The following FAM13A variants were observed in gnomAD, a reference collection of about 807,000 sequenced individuals.
The protein encoded by FAM13A is protein FAM13A.
Under a neutral mutation model 129.6 loss-of-function variants are expected in FAM13A, and 76 were observed. The ratio of observed to expected loss-of-function variants is 0.59; its 90% CI spans 0.49 to 0.71. The LOEUF (loss-of-function observed/expected upper bound fraction) is 0.71, where lower values mean the gene tolerates loss of function less well. Among genes scored for constraint, FAM13A ranks in the 30% least tolerant of loss-of-function variants. FAM13A has a pLI of 0.00. For missense variants in FAM13A, 1,108 were observed against 1,249.3 expected (o/e 0.89, Z 1.70); for synonymous variants, 443 against 449.9 (o/e 0.98, Z 0.20).
At chr4:88,840,099 C>T (rs1342086351) in intron 7 of FAM13A, among the ~76,000 whole-genome samples, 1 of 152,112 alleles carries the variant, frequency 6.6e-6, no homozygotes, top group African/African-American at 2.4e-5. Flanking sequence ...AAAAGATATC[C>T]AGGAAGGCCA....
intron 2 of FAM13A, among the ~76,000 whole-genome samples, chr4:89,023,133 G>T (rs936593769): frequency 1.3e-5 from 2 of 152,154 alleles, no homozygotes; most frequent in Admixed American, 6.5e-5. Flanking sequence ...AATACGATAC[G>T]CCTTTCCCTT....
intron 1 of FAM13A, among the ~76,000 whole-genome samples, chr4:89,030,223 A>T (rs1460553025): frequency 6.6e-6 from 1 of 152,128 alleles, no homozygotes; most frequent in Non-Finnish European, 1.5e-5. Context: ...ATGCCCTCAA[A>T]TCTTTGAAAC....
chr4:89,047,069 G>A (rs907938243), intron 1 of FAM13A, among the ~76,000 whole-genome samples: 4 of 152,100 alleles, frequency 2.6e-5, no homozygotes, highest in Middle Eastern at 3.2e-3. Context: ...ACCAGGCTCC[G>A]AACACAGGGG....
chr4:88,737,459 C>T lies in FAM13A; in HGVS notation c.2646+13G>A. On this transcript the variant is annotated intron_variant, in intron 21 of 23. Transcript: ENST00000264344. ...TGCGGATTTAGCAATGGGTTAGCAGCTGGGGTCTTCACCTTTATCTCCTTG... is the reference window on the plus strand; with the variant it reads ...TGCGGATTTAGCAATGGGTTAGCAGTTGGGGTCTTCACCTTTATCTCCTTG... The T allele has an allele frequency of 2.5e-6, 4 of 1,611,686 alleles. No homozygotes were observed. In the East Asian group the frequency reaches 8.9e-5, roughly 36 times the overall value.
In FAM13A at chr4:88,945,990, GTATATATATA is replaced by G. The variant is rs199936059; in HGVS notation, c.606-7759_606-7750del. Among the ~76,000 whole-genome samples the G allele has an allele frequency of 1.6e-3, 97 of 61,962 alleles. 3 individuals carry two copies. In the East Asian group the frequency reaches 0.016, roughly 10 times the overall value. 40.6% of individuals were successfully genotyped at this position (61,962 alleles called of 152,430 possible). A position where few individuals can be genotyped will look rare whatever the true frequency, so the allele number is the denominator to read the frequency against. ...TGTGTGTGTGTGTGTGTGTGTGTGT[GTATATATATA>G]TATATATATATATATATATATATGT... On this transcript the variant is annotated intron_variant, in intron 4 of 23. Coordinates refer to ENST00000264344, the MANE Select transcript of FAM13A (RefSeq NM_014883.4).
intron 4 of FAM13A, among the ~76,000 whole-genome samples, chr4:88,977,976 C>T (rs1417969379): frequency 6.6e-6 from 1 of 152,114 alleles, no homozygotes; most frequent in Non-Finnish European, 1.5e-5. Flanking sequence ...CATGTTCTCA[C>T]CTGAACCCAA....
intron 5 of FAM13A, among the ~76,000 whole-genome samples, chr4:88,929,047 C>T (rs745500172): frequency 6.6e-5 from 10 of 152,026 alleles, no homozygotes; most frequent in East Asian, 1.9e-4. Context: ...ATTTTTAAGA[C>T]GCCTTTGGCC....
chr4:88,749,521 T>A (rs1742096068), intron 16 of FAM13A, among the ~76,000 whole-genome samples: 1 of 152,196 alleles, frequency 6.6e-6, no homozygotes, highest in Non-Finnish European at 1.5e-5. Flanking sequence ...AGTTCCTGCT[T>A]ACTGATTAAT....
intron 5 of FAM13A, among the ~76,000 whole-genome samples, chr4:88,919,830 G>A (rs1041571404): frequency 9.9e-5 from 15 of 152,180 alleles, no homozygotes; most frequent in African/African-American, 3.4e-4. Context: ...CTGGAAAATC[G>A]GGTCACTCCC....
intron 3 of FAM13A, among the ~76,000 whole-genome samples, chr4:89,006,566 G>A (rs545415401): frequency 5.4e-4 from 82 of 152,298 alleles, no homozygotes; most frequent in African/African-American, 1.8e-3. Flanking sequence ...CCAAGGTAGC[G>A]TCTAGGGGTA....
chr4:88,827,640 T>G (rs1468428164), intron 7 of FAM13A, among the ~76,000 whole-genome samples: 1 of 152,216 alleles, frequency 6.6e-6, no homozygotes, highest in East Asian at 1.9e-4. Context: ...ATTTAAACCA[T>G]GAGTCATCTT....
intron 1 of FAM13A, among the ~76,000 whole-genome samples, chr4:89,041,778 G>A (rs13115669): frequency 0.29 from 43,380 of 151,708 alleles, 6,730 homozygotes; most frequent in Middle Eastern, 0.41. Context: ...AAAATTAGCC[G>A]GTTGTGGTGG....
intron 4 of FAM13A, among the ~76,000 whole-genome samples, chr4:88,978,144 G>A (rs1271022398): frequency 6.6e-6 from 1 of 152,106 alleles, no homozygotes; most frequent in Non-Finnish European, 1.5e-5. Context: ...TTGTGCACCA[G>A]TTTGGGCTTT....
At chr4:88,919,381 C>A (rs1381640906) in intron 5 of FAM13A, among the ~76,000 whole-genome samples, 1 of 152,168 alleles carries the variant, frequency 6.6e-6, no homozygotes, top group East Asian at 1.9e-4. Context: ...GAGATGTGAA[C>A]AATTATTAAT....
intron 7 of FAM13A, among the ~76,000 whole-genome samples, chr4:88,808,945 A>T (rs1403750320): frequency 6.6e-6 from 1 of 152,172 alleles, no homozygotes; most frequent in Non-Finnish European, 1.5e-5. Flanking sequence ...AAGAAGCTAC[A>T]ACTAAGAATG....
intron 1 of FAM13A, among the ~76,000 whole-genome samples, chr4:89,035,593 C>T (rs1018019783): frequency 6.6e-6 from 1 of 152,108 alleles, no homozygotes; most frequent in Non-Finnish European, 1.5e-5. Context: ...TGTGTCCCTG[C>T]CCCAATCTCA....
At chr4:88,944,451 G>A (rs1755312177) in intron 4 of FAM13A, among the ~76,000 whole-genome samples, 1 of 152,230 alleles carries the variant, frequency 6.6e-6, no homozygotes, top group African/African-American at 2.4e-5. Context: ...ATTTGAAAAT[G>A]TGGATAGACT....
chr4:89,007,890 G>C (rs1245239056), intron 3 of FAM13A, among the ~76,000 whole-genome samples: 1 of 152,146 alleles, frequency 6.6e-6, no homozygotes, highest in African/African-American at 2.4e-5. Context: ...ATTAAACTAA[G>C]CAATAAGTAG....
intron 3 of FAM13A, among the ~76,000 whole-genome samples, chr4:88,995,563 C>T (rs1222722016): frequency 6.6e-6 from 1 of 152,176 alleles, no homozygotes. Context: ...CTTGGTCTTA[C>T]ACCAGACCCA....
Sources: allele counts gnomAD v4.1 joint callset (sites outside exome capture counted in the v4.1 genomes callset), GRCh38; gene constraint gnomAD v4.1.1; transcripts MANE v1.5; gene names NCBI Gene and HGNC (gene_info 2026-07-23, HGNC 2026-07-21).